Variants in CADPS observed in about 807,000 individuals in gnomAD.
CADPS encodes calcium dependent secretion activator, also known as calcium-dependent secretion activator 1.
A neutral mutation model predicts 167.3 loss-of-function variants in CADPS; 57 were observed. That is an observed-to-expected ratio of 0.34 (90% CI 0.28 to 0.42). The LOEUF (loss-of-function observed/expected upper bound fraction) is 0.42, where lower values mean the gene tolerates loss of function less well. CADPS is among the 20% of genes least tolerant of loss of function. CADPS has a pLI of 1.00. For synonymous variants in CADPS, 676 were observed against 635.3 expected, an observed-to-expected ratio of 1.06 and a Z score of -0.96; for missense variants, 1,414 against 1,738.1, an observed-to-expected ratio of 0.81 and a Z score of 3.32.
chr3:62,728,637 A>G (rs1442053762), intron 3 of CADPS, among the ~76,000 whole-genome samples: 3 of 151,892 alleles, frequency 2.0e-5, no homozygotes. Context: ...TCTCTTAATG[A>G]TAATAACATA....
chr3:62,448,880 C>T (rs2057628093), intron 26 of CADPS, among the ~76,000 whole-genome samples: 1 of 152,100 alleles, frequency 6.6e-6, no homozygotes, highest in South Asian at 2.1e-4. Flanking sequence ...TCCCAAACTG[C>T]TGGGATTACA....
At chr3:62,608,261 T>G (rs1482370535) in intron 6 of CADPS, among the ~76,000 whole-genome samples, 1 of 151,128 alleles carries the variant, frequency 6.6e-6, no homozygotes, top group Non-Finnish European at 1.5e-5. Flanking sequence ...ACCAAAAAAC[T>G]GTATGAAAGT....
intron 1 of CADPS, among the ~76,000 whole-genome samples, chr3:62,827,767 T>C (rs569618): frequency 0.16 from 24,728 of 152,072 alleles, 4,308 homozygotes; most frequent in African/African-American, 0.44. Context: ...ATATTTTTTT[T>C]AAAAGAGGGA....
intron 3 of CADPS, among the ~76,000 whole-genome samples, chr3:62,686,707 T>A (rs1049830013): frequency 1.4e-4 from 21 of 152,088 alleles, no homozygotes; most frequent in Middle Eastern, 3.2e-3. Context: ...TATTTCGTAA[T>A]GTACCTTGTC....
intron 3 of CADPS, among the ~76,000 whole-genome samples, chr3:62,724,005 G>A (rs2076293758): frequency 6.6e-6 from 1 of 152,228 alleles, no homozygotes; most frequent in Admixed American, 6.5e-5. Context: ...TGTGTCCAAG[G>A]GAGCTGCACT....
intron 3 of CADPS, among the ~76,000 whole-genome samples, chr3:62,750,278 G>A (rs138318194): frequency 4.0e-5 from 6 of 149,160 alleles, no homozygotes; most frequent in Admixed American, 2.0e-4. Flanking sequence ...TTGAACCTGG[G>A]AGGTGGAGGT....
intron 10 of CADPS, among the ~76,000 whole-genome samples, chr3:62,551,873 T>C (rs2152279789): frequency 6.6e-6 from 1 of 152,304 alleles, no homozygotes; most frequent in Middle Eastern, 3.4e-3. Flanking sequence ...CACATTCCTG[T>C]TGAGACCTTC....
At chr3:62,741,639 T>C (rs1315379419) in intron 3 of CADPS, among the ~76,000 whole-genome samples, 2 of 152,166 alleles carry the variant, frequency 1.3e-5, no homozygotes, top group Non-Finnish European at 2.9e-5. Context: ...TAATAAGAGC[T>C]GTCTATGACA....
In CADPS at chr3:62,433,565, C is replaced by T. The variant is rs1049506762; in HGVS notation, c.3777+4539G>A. Among the ~76,000 whole-genome samples, 3 of 152,120 alleles carry T rather than the reference C, an allele frequency of 2.0e-5. No homozygotes were observed. Among genetic ancestry groups the T allele is most frequent in the African/African-American group, 7.2e-5 (3 of 41,428 alleles). ...CATGTATCATCTCCAGTCAAATGTT[C>T]CCTGGGCCTGGTTCCCAATGACACG... On this transcript the variant is annotated intron_variant, in intron 28 of 29. Coordinates refer to ENST00000383710, the MANE Select transcript of CADPS (RefSeq NM_003716.4). The surrounding 1 kb of genome is among the most constrained non-coding windows in gnomAD (Gnocchi z 4.7).
chr3:62,773,842 A>T (rs1402677665), intron 1 of CADPS, among the ~76,000 whole-genome samples: 1 of 152,182 alleles, frequency 6.6e-6, no homozygotes, highest in Admixed American at 6.5e-5. Context: ...GTAGCAGCTG[A>T]ATATAAGTTA....
chr3:62,781,105 A>C (rs952806559), intron 1 of CADPS, among the ~76,000 whole-genome samples: 2 of 152,166 alleles, frequency 1.3e-5, no homozygotes, highest in Non-Finnish European at 2.9e-5. Flanking sequence ...TAAGCAACCA[A>C]ACTTGTGTTG....
chr3:62,518,432 A>G (rs528378710), intron 13 of CADPS, among the ~76,000 whole-genome samples, 182 bp from the exon 14 acceptor site: 10 of 152,282 alleles, frequency 6.6e-5, no homozygotes, highest in Non-Finnish European at 1.5e-4. Context: ...TTGGGTTATC[A>G]TTTTGGAAAC....
At chr3:62,765,809 C>G (rs1039900377) in intron 2 of CADPS, 62 bp downstream of exon 2, 3 of 1,082,542 alleles carry the variant, frequency 2.8e-6, no homozygotes, top group Non-Finnish European at 4.2e-6. Context: ...TGCCCTGCAG[C>G]TCAGACTCCC....
chr3:62,517,383 T>C (rs914775312), intron 14 of CADPS, among the ~76,000 whole-genome samples: 1 of 152,146 alleles, frequency 6.6e-6, no homozygotes. Context: ...TTGGGCAAGT[T>C]CCTTAACCTC....
intron 3 of CADPS, among the ~76,000 whole-genome samples, chr3:62,716,322 G>A (rs1299000997): frequency 6.6e-6 from 1 of 152,150 alleles, no homozygotes; most frequent in Non-Finnish European, 1.5e-5. Context: ...CCAAAGTGCT[G>A]AGATTACACG....
intron 11 of CADPS, among the ~76,000 whole-genome samples, chr3:62,540,908 A>G (rs1018579677): frequency 2.0e-5 from 3 of 152,186 alleles, no homozygotes; most frequent in African/African-American, 7.2e-5. Context: ...TGACATTAGC[A>G]GAGGGAAAAC....
At chr3:62,854,784 C>G (rs73097466) in intron 1 of CADPS, among the ~76,000 whole-genome samples, 6,600 of 152,110 alleles carry the variant, frequency 0.043, 198 homozygotes, top group South Asian at 0.094. Flanking sequence ...TTTAAAAAGG[C>G]AAAGAGTAAA....
chr3:62,568,086 T>C (rs1050406373), intron 9 of CADPS, among the ~76,000 whole-genome samples: 3 of 152,164 alleles, frequency 2.0e-5, no homozygotes, highest in African/African-American at 7.2e-5. Context: ...ACTAAACCAA[T>C]TCTCCCTTTA....
chr3:62,536,524 T>A lies in CADPS; in HGVS notation c.2024A>T (p.Asn675Ile). 6.2e-7 allele frequency: 1 copy of A among 1,613,456 alleles called. No individual in the cohort carries two copies. The highest frequency in any genetic ancestry group is 8.5e-7 in the Non-Finnish European group (1 of 1,179,484). The change falls in exon 12 of 30, where the codon AAC (asparagine) becomes ATC (isoleucine). Residue 675 changes from asparagine (N) to isoleucine (I), a missense_variant. By Grantham distance (149) the Asn-to-Ile change is moderately radical. This residue lies in a region of CADPS where 529 missense variants were observed against 629.6 expected (regional missense o/e 0.84). Coordinates refer to ENST00000383710, the MANE Select transcript of CADPS (RefSeq NM_003716.4). ...MDEFISSNPC[N>I]FDHASLFEMV... ...CTCAAAGAGGGAAGCGTGGTCAAAG[T>A]TACAGGGGTTGGAAGAGATAAATTC...
Sources: allele counts gnomAD v4.1 joint callset (sites outside exome capture counted in the v4.1 genomes callset), GRCh38; gene constraint gnomAD v4.1.1; regional missense constraint gnomAD v4.1.1; non-coding constraint Gnocchi (gnomAD v3.1); transcripts MANE v1.5; gene names NCBI Gene and HGNC (gene_info 2026-07-23, HGNC 2026-07-21).